MPPED1: variants seen among roughly 807,000 people sequenced by gnomAD.
MPPED1 encodes metallophosphoesterase domain-containing protein 1.
In MPPED1, 16 loss-of-function variants were observed where a neutral mutation model predicts 36.2. The ratio of observed to expected loss-of-function variants is 0.44; its 90% CI spans 0.30 to 0.67. MPPED1 has a LOEUF of 0.67. MPPED1 is among the 30% of genes least tolerant of loss of function. The pLI is 0.10. For missense variants in MPPED1, 307 were observed against 453.4 expected (o/e 0.68, Z 2.93); for synonymous variants, 199 against 191.3 (o/e 1.04, Z -0.33).
Position 43,474,976 on chromosome 22 carries a change from G to A in MPPED1, c.632+15G>A. 2 of 1,612,414 alleles carry A rather than the reference G, an allele frequency of 1.2e-6. No homozygotes were observed. On this transcript the variant is annotated intron_variant, in intron 4 of 6. Transcript: ENST00000443721. The surrounding 1 kb of genome is among the most constrained non-coding windows in gnomAD (Gnocchi z 5.2). ...GGCTCCCCATGGTGAGTGGGCCTGG[G>A]TGCTGGTCCTGCCTGCTGGTGAGAC...
rs1248119252 is a variant in MPPED1, at chr22:43,506,532, G to A, written c.*916G>A. On this transcript the variant is annotated 3_prime_UTR_variant, in exon 7 of 7. Coordinates refer to ENST00000443721, the MANE Select transcript of MPPED1 (RefSeq NM_001044370.2). ...CTTAATTGAACCAAGTGGGTCCTGTGTTTCTCTTTTCTGCCCCGTAGTGAG... is the reference window on the plus strand; with the variant it reads ...CTTAATTGAACCAAGTGGGTCCTGTATTTCTCTTTTCTGCCCCGTAGTGAG... 1.3e-5 allele frequency: 2 copies of A among 152,308 alleles called. No homozygotes were observed. Among genetic ancestry groups the A allele is most frequent in the Non-Finnish European group, 2.9e-5 (2 of 68,130 alleles). 9.4% of individuals were successfully genotyped at this position (152,308 alleles called of 1,614,324 possible).
chr22:43,487,374 G>C (rs1931945190), intron 4 of MPPED1, among the ~76,000 whole-genome samples: 1 of 152,182 alleles, frequency 6.6e-6, no homozygotes, highest in Admixed American at 6.5e-5. Flanking sequence ...GCTGGAAGTG[G>C]ATGGTTAAGG....
At chr22:43,449,768 C>G (rs1163869789) in intron 3 of MPPED1, among the ~76,000 whole-genome samples, 1 of 152,192 alleles carries the variant, frequency 6.6e-6, no homozygotes, top group Non-Finnish European at 1.5e-5. Context: ...ACTTAGCCTC[C>G]CTGGACCTCA....
At chr22:43,412,822 G>C (rs957520399) in intron 1 of MPPED1, among the ~76,000 whole-genome samples, 1 of 152,228 alleles carries the variant, frequency 6.6e-6, no homozygotes, top group Non-Finnish European at 1.5e-5. Context: ...AAACTAAGGA[G>C]CAGTTCTGTC....
At chr22:43,493,038 C>T in intron 4 of MPPED1, among the ~76,000 whole-genome samples, 1 of 152,216 alleles carries the variant, frequency 6.6e-6, no homozygotes, top group East Asian at 1.9e-4. Context: ...GGGCTGGTGT[C>T]TGAAACAATG....
intron 3 of MPPED1, among the ~76,000 whole-genome samples, chr22:43,463,799 A>AT (rs1352778691): frequency 8.9e-6 from 1 of 112,070 alleles, no homozygotes; most frequent in South Asian, 3.0e-4. Flanking sequence ...TTGATTTTTC[A>AT]TTTTTTCTTT....
chr22:43,414,461 C>T (rs1405702981), intron 1 of MPPED1, among the ~76,000 whole-genome samples: 1 of 152,158 alleles, frequency 6.6e-6, no homozygotes, highest in Admixed American at 6.5e-5. Flanking sequence ...CCCCAAAGTG[C>T]AATCATCTTT....
chr22:43,435,633 G>A (rs1476872129), intron 3 of MPPED1, among the ~76,000 whole-genome samples: 1 of 152,190 alleles, frequency 6.6e-6, no homozygotes, highest in Admixed American at 6.5e-5. Flanking sequence ...GAGGCTGGTG[G>A]ATCACCTGAG....
rs1931469445 is a variant in MPPED1, at chr22:43,474,231, A to AAAACTAGTCCAGACAGAAG, written c.407-499_407-481dup. On this transcript the variant is annotated intron_variant, in intron 3 of 6. Transcript: ENST00000443721. This position sits in a 1 kb window ranked among gnomAD's most constrained non-coding sequence, Gnocchi z 5.2. ...CAGCGTGGGGGTCTTCTTCCAGTAGAAAACTAGTCCAGACAGAAGAAACTG... is the reference window on the plus strand; with the variant it reads ...CAGCGTGGGGGTCTTCTTCCAGTAGAAAACTAGTCCAGACAGAAGAAACTAGTCCAGACAGAAGAAACTG... Among the ~76,000 whole-genome samples the AAAACTAGTCCAGACAGAAG allele has an allele frequency of 6.6e-6, 1 of 152,174 alleles. No individual in the cohort carries two copies. The highest frequency in any genetic ancestry group is 1.5e-5 in the Non-Finnish European group (1 of 68,044).
At chr22:43,417,068 C>T (rs993187272) in intron 1 of MPPED1, 10 of 933,142 alleles carry the variant, frequency 1.1e-5, no homozygotes, top group African/African-American at 3.6e-5. Flanking sequence ...GAAAATGAAG[C>T]GGCAGAGACT....
chr22:43,442,285 C>T, intron 3 of MPPED1, among the ~76,000 whole-genome samples: 1 of 152,056 alleles, frequency 6.6e-6, no homozygotes, highest in South Asian at 2.1e-4. Flanking sequence ...TTTTCCCCTC[C>T]CTTCTTCCCA....
At chr22:43,498,191 T>C in intron 4 of MPPED1, 44 bp from the exon 5 acceptor site, 1 of 1,472,306 alleles carries the variant, frequency 6.8e-7, no homozygotes, top group Non-Finnish European at 9.2e-7. Flanking sequence ...GACCACCCTG[T>C]ACTTTCACCC....
chr22:43,425,744 C>G (rs1173531112), intron 2 of MPPED1, among the ~76,000 whole-genome samples: 1 of 152,270 alleles, frequency 6.6e-6, no homozygotes, highest in Non-Finnish European at 1.5e-5. Context: ...CCTCCCTGCC[C>G]TTCCTTTTGT....
chr22:43,504,479 G>A (rs979242021), intron 6 of MPPED1, among the ~76,000 whole-genome samples: 26 of 152,024 alleles, frequency 1.7e-4, no homozygotes, highest in African/African-American at 6.3e-4. Flanking sequence ...TGATGGTGGT[G>A]GTGGTGATGA....
rs1316293520 is a variant in MPPED1 at position 43,500,135 on chromosome 22, A to G, written c.748+1785A>G. Among the ~76,000 whole-genome samples the G allele has an allele frequency of 4.4e-3, 54 of 12,386 alleles. 1 individual carries two copies. Among genetic ancestry groups the G allele is most frequent in the Non-Finnish European group, 5.3e-3 (29 of 5,510 alleles). The allele number at this position is 12,386 out of a possible 152,430, so 8.1% of individuals were successfully genotyped here. A position where few individuals can be genotyped will look rare whatever the true frequency, so the allele number is the denominator to read the frequency against. ...TGATGAAGGTGGTGATGGAGGTGGT[A>G]ATGGAGGTGGTGGGGGTGGTGGTGG... is the stretch of plus-strand genomic sequence containing the variant. On this transcript the variant is annotated intron_variant, in intron 5 of 6. Transcript: ENST00000443721.
intron 2 of MPPED1, among the ~76,000 whole-genome samples, chr22:43,425,435 A>T (rs1929433523): frequency 6.6e-6 from 1 of 152,206 alleles, no homozygotes; most frequent in South Asian, 2.1e-4. Context: ...GTCCTGTTTC[A>T]CTTGGCCAGG....
rs981745725 is a variant in MPPED1 at position 43,507,376 on chromosome 22, C to T, written c.*1760C>T. 2 of 152,268 alleles carry T rather than the reference C, an allele frequency of 1.3e-5. No homozygotes were observed. The highest frequency in any genetic ancestry group is 1.3e-4 in the Admixed American group (2 of 15,286). 9.4% of individuals were successfully genotyped at this position (152,268 alleles called of 1,614,324 possible). ...TTTTCTGCCCACACTGAGCTGGGCT[C>T]CTCGAGGGGTGGGGCTGCTGTCCCT... On this transcript the variant is annotated 3_prime_UTR_variant, in exon 7 of 7. Coordinates refer to ENST00000443721, the MANE Select transcript of MPPED1 (RefSeq NM_001044370.2).
chr22:43,499,740 G>GTGA (rs1569091268), intron 5 of MPPED1, among the ~76,000 whole-genome samples: 1 of 28,152 alleles, frequency 3.6e-5, no homozygotes, highest in African/African-American at 1.1e-4. Context: ...GATGGGGGTG[G>GTGA]TGGTGGTGAT....
rs77973458 is a variant in MPPED1, at chr22:43,435,268, C to G, written c.406+53C>G. ...GCTGTGCTGAGCAGGAAGGGGGCTC[C>G]CGCCAGCTCCCGAGGCTGCCTGCCT... On this transcript the variant is annotated intron_variant, in intron 3 of 6. Transcript: ENST00000443721. The G allele has an allele frequency of 5.4e-3, 8,273 of 1,534,902 alleles. 350 individuals carry two copies. The African/African-American group carries it at 0.098, about 18-fold the overall frequency.
Sources: allele counts gnomAD v4.1 joint callset (sites outside exome capture counted in the v4.1 genomes callset), GRCh38; gene constraint gnomAD v4.1.1; non-coding constraint Gnocchi (gnomAD v3.1); transcripts MANE v1.5; gene names NCBI Gene and HGNC (gene_info 2026-07-23, HGNC 2026-07-21).